Variants in CENPP observed in about 807,000 individuals in gnomAD.
CENPP encodes centromere protein P.
A neutral mutation model predicts 35.6 loss-of-function variants in CENPP; 24 were observed. The ratio of observed to expected loss-of-function variants is 0.67; its 90% CI spans 0.49 to 0.95. CENPP has a LOEUF of 0.95. CENPP is among the 40% of genes least tolerant of loss of function. The probability of loss-of-function intolerance (pLI) is 0.00; values close to 1 mark genes in which losing one functional copy is unlikely to be tolerated. For synonymous variants in CENPP, 120 were observed against 125.5 expected, an observed-to-expected ratio of 0.96 and a Z score of 0.29; for missense variants, 332 against 345.3, an observed-to-expected ratio of 0.96 and a Z score of 0.31.
At chr9:92,607,459 G>A (rs968136285) in intron 5 of CENPP, among the ~76,000 whole-genome samples, 1 of 152,260 alleles carries the variant, frequency 6.6e-6, no homozygotes, top group South Asian at 2.1e-4. Context: ...GTACATTTAG[G>A]GGGTGATGAA....
At chr9:92,365,341 A>G (rs531140930) in intron 4 of CENPP, among the ~76,000 whole-genome samples, 5 of 150,916 alleles carry the variant, frequency 3.3e-5, no homozygotes, top group African/African-American at 9.8e-5. Flanking sequence ...TCAGTTTGTT[A>G]TCAACCCTAG....
chr9:92,519,469 T>C (rs1847929360), intron 5 of CENPP, among the ~76,000 whole-genome samples: 1 of 152,216 alleles, frequency 6.6e-6, no homozygotes, highest in Admixed American at 6.5e-5. Context: ...AGTATAAGCA[T>C]AGACGTATAG....
At chr9:92,599,593 T>C (rs1178217072) in intron 5 of CENPP, among the ~76,000 whole-genome samples, 1 of 152,080 alleles carries the variant, frequency 6.6e-6, no homozygotes, top group Non-Finnish European at 1.5e-5. Context: ...ATTTTTGTAT[T>C]TTTAGTACAG....
intron 5 of CENPP, among the ~76,000 whole-genome samples, chr9:92,566,332 C>G (rs1425290579): frequency 6.7e-6 from 1 of 150,082 alleles, no homozygotes; most frequent in African/African-American, 2.4e-5. Context: ...AAAAGACATA[C>G]AAAGTAACAT....
In CENPP at chr9:92,326,050, C is replaced by T. The variant is rs866079314; in HGVS notation, c.52C>T (p.Leu18=). Residue 18 remains leucine, a synonymous_variant, in exon 1 of 8, where the codon CTG becomes TTG. Coordinates refer to ENST00000375587, the MANE Select transcript of CENPP (RefSeq NM_001012267.3). ...VRALQAEIAA[L]RRACEDPPAP... ...CGCCTTGCAAGCTGAGATCGCGGCC[C>T]TGCGGCGAGCGTGTGAGGACCCACC... 4 of 1,563,810 alleles carry T rather than the reference C, an allele frequency of 2.6e-6. No individual in the cohort carries two copies. Among genetic ancestry groups the T allele is most frequent in the Non-Finnish European group, 3.5e-6 (4 of 1,155,070 alleles).
intron 5 of CENPP, among the ~76,000 whole-genome samples, chr9:92,544,349 G>A (rs1049305142): frequency 2.6e-5 from 4 of 152,168 alleles, no homozygotes; most frequent in African/African-American, 9.6e-5. Context: ...GCTGGCACAT[G>A]CCTGTAAACC....
intron 5 of CENPP, among the ~76,000 whole-genome samples, chr9:92,584,555 G>T (rs1850499723): frequency 6.6e-6 from 1 of 151,998 alleles, no homozygotes; most frequent in East Asian, 1.9e-4. Flanking sequence ...CACTATGACT[G>T]GTCTTGAACT....
At chr9:92,366,991 A>C (rs1213060512) in intron 4 of CENPP, among the ~76,000 whole-genome samples, 1 of 152,202 alleles carries the variant, frequency 6.6e-6, no homozygotes, top group Non-Finnish European at 1.5e-5. Flanking sequence ...AACACAGTTC[A>C]TTCAACATCC....
intron 5 of CENPP, among the ~76,000 whole-genome samples, chr9:92,601,078 C>T (rs898937658): frequency 6.6e-6 from 1 of 152,178 alleles, no homozygotes; most frequent in African/African-American, 2.4e-5. Flanking sequence ...CGTGTCCGAG[C>T]CTCAGGACCA....
intron 5 of CENPP, among the ~76,000 whole-genome samples, chr9:92,442,845 T>A (rs1226813819): frequency 2.0e-5 from 3 of 148,868 alleles, no homozygotes; most frequent in African/African-American, 7.5e-5. Context: ...CAAGACTCCT[T>A]CTCAAAAAAA....
At chr9:92,348,048 T>G (rs997406923) in intron 4 of CENPP, among the ~76,000 whole-genome samples, 1 of 151,286 alleles carries the variant, frequency 6.6e-6, no homozygotes, top group South Asian at 2.1e-4. Flanking sequence ...CTCAGCCTCC[T>G]GAGTAGCTGG....
At chr9:92,447,513 A>G (rs1472187710) in intron 5 of CENPP, among the ~76,000 whole-genome samples, 1 of 152,196 alleles carries the variant, frequency 6.6e-6, no homozygotes, top group African/African-American at 2.4e-5. Flanking sequence ...AAGTGGCTGT[A>G]AATACAGATG....
At chr9:92,526,296 A>G (rs535579518) in intron 5 of CENPP, among the ~76,000 whole-genome samples, 1 of 152,376 alleles carries the variant, frequency 6.6e-6, no homozygotes, top group East Asian at 1.9e-4. Context: ...CTATAAAGAA[A>G]GAAAATATTT....
intron 5 of CENPP, chr9:92,400,975 A>C (rs1264101012): frequency 1.8e-6 from 1 of 564,092 alleles, no homozygotes; most frequent in Non-Finnish European, 3.1e-6. Context: ...ATTGGAAATA[A>C]AATTCCACTG....
At chr9:92,544,424 C>G (rs1471789431) in intron 5 of CENPP, among the ~76,000 whole-genome samples, 1 of 152,126 alleles carries the variant, frequency 6.6e-6, no homozygotes, top group African/African-American at 2.4e-5. Flanking sequence ...TGCAGCGAGC[C>G]ACGATTGCAC....
At chr9:92,355,074 G>A (rs562569883) in intron 4 of CENPP, among the ~76,000 whole-genome samples, 31 of 152,218 alleles carry the variant, frequency 2.0e-4, no homozygotes, top group African/African-American at 4.1e-4. Context: ...CATGTTCAGC[G>A]GTGCACATAT....
chr9:92,514,806 T>C (rs550294227), intron 5 of CENPP: 1 of 1,613,724 alleles, frequency 6.2e-7, no homozygotes, highest in East Asian at 2.2e-5. Flanking sequence ...TATCTCCTCT[T>C]ACCGGGTCCT....
chr9:92,613,280 C>A lies in CENPP; in HGVS notation c.*131C>A. The A allele has an allele frequency of 1.0e-6, 1 of 982,470 alleles. No individual in the cohort carries two copies. The highest frequency in any genetic ancestry group is 1.5e-6 in the Non-Finnish European group (1 of 657,434). The allele number at this position is 982,470 out of a possible 1,614,324, so 60.9% of individuals were successfully genotyped here. A position where few individuals can be genotyped will look rare whatever the true frequency, so the allele number is the denominator to read the frequency against. ...ACGTGCTGTCTATGCAGTTATGGCA[C>A]ATTATATGGAAACTCTCATGACATG... On this transcript the variant is annotated 3_prime_UTR_variant, in exon 8 of 8. Coordinates refer to ENST00000375587, the MANE Select transcript of CENPP (RefSeq NM_001012267.3).
At chr9:92,568,212 T>A (rs1313244569) in intron 5 of CENPP, among the ~76,000 whole-genome samples, 3 of 151,660 alleles carry the variant, frequency 2.0e-5, no homozygotes, top group Non-Finnish European at 4.4e-5. Context: ...ATTAGGTATA[T>A]CTCCTAATGC....
Sources: allele counts gnomAD v4.1 joint callset (sites outside exome capture counted in the v4.1 genomes callset), GRCh38; gene constraint gnomAD v4.1.1; transcripts MANE v1.5; gene names NCBI Gene and HGNC (gene_info 2026-07-23, HGNC 2026-07-21).